Variants in LRP1 observed in about 807,000 individuals in gnomAD.
LRP1 encodes prolow-density lipoprotein receptor-related protein 1.
In LRP1, 51 loss-of-function variants were observed where a neutral mutation model predicts 541.5. The observed-to-expected ratio is 0.09, with a 90% CI of 0.08 to 0.12. The LOEUF is 0.12. LRP1 is among the 10% of genes least tolerant of loss of function. The pLI is 1.00. For synonymous variants in LRP1, 2,219 were observed against 2,470.8 expected (o/e 0.90, Z 3.02); for missense variants, 3,878 against 6,376.2 (o/e 0.61, Z 13.34).
In LRP1 at chr12:57,211,139, T is replaced by C; in HGVS notation, c.12917-37T>C. The C allele has an allele frequency of 6.2e-7, 1 of 1,604,478 alleles. No individual in the cohort carries two copies. Among genetic ancestry groups the C allele is most frequent in the Non-Finnish European group, 8.5e-7 (1 of 1,172,838 alleles). On this transcript the variant is annotated intron_variant, in intron 83 of 88. Transcript: ENST00000243077. This position sits in a 1 kb window ranked among gnomAD's most constrained non-coding sequence, Gnocchi z 4.3. ...AACCTATGGAGAGCCCTCATGAGGG[T>C]GGGGCTTGAGGCACTTCTCTCCCTC...
At position 57,210,457 on chromosome 12, in the gene LRP1, G is replaced by A; in HGVS notation, c.12731G>A (p.Gly4244Asp). 6.5e-7 allele frequency: 1 copy of A among 1,538,814 alleles called. No individual in the cohort carries two copies. Among genetic ancestry groups the A allele is most frequent in the Non-Finnish European group, 8.8e-7 (1 of 1,139,278 alleles). ...TGCTGGGAGCACTGTCGCAATGGGG[G>A]CACCTGTGCTGCCTCCCCCTCTGGT... ...DQCWEHCRNG[G>D]TCAASPSGMP... Residue 4244 changes from glycine to aspartate, a missense_variant, in exon 82 of 89, where the codon GGC becomes GAC. Around this residue, in one of 13 missense-constraint regions of LRP1, gnomAD observed 871 missense variants for 1,212.4 expected, o/e 0.72. Transcript: ENST00000243077.
At chr12:57,147,213 C>T (rs1164814343) in intron 6 of LRP1, among the ~76,000 whole-genome samples, 1 of 151,012 alleles carries the variant, frequency 6.6e-6, no homozygotes, top group Admixed American at 6.6e-5. Flanking sequence ...GCTTCTGTCC[C>T]TTCCTCCCTG....
chr12:57,208,926 G>A (rs2036847901), intron 78 of LRP1, 109 bp downstream of exon 78: 2 of 1,124,120 alleles, frequency 1.8e-6, no homozygotes, highest in Non-Finnish European at 2.7e-6. Flanking sequence ...GGCTTGGACT[G>A]GGGCAGGGCA....
At chr12:57,148,439 G>A (rs143895521) in intron 6 of LRP1, among the ~76,000 whole-genome samples, 266 of 152,140 alleles carry the variant, frequency 1.7e-3, no homozygotes, top group African/African-American at 6.0e-3. Flanking sequence ...CCAGGCCTGC[G>A]CACTCTCACC....
rs149589109 is a variant in LRP1 at position 57,199,470 on chromosome 12, A to C, written c.9865+70A>C. On this transcript the variant is annotated intron_variant, in intron 61 of 88. Coordinates refer to ENST00000243077, the MANE Select transcript of LRP1 (RefSeq NM_002332.3). Reference sequence around the variant, plus strand: ...CCGGGGTCCCTGGGAGTTCCTGCTCATCCCTTCTCTAGCATTGACCAAGCC... The same window carrying C: ...CCGGGGTCCCTGGGAGTTCCTGCTCCTCCCTTCTCTAGCATTGACCAAGCC... The C allele has an allele frequency of 1.8e-4, 266 of 1,511,506 alleles. 1 individual carries two copies. Among genetic ancestry groups the C allele is most frequent in the Non-Finnish European group, 2.3e-4 (253 of 1,108,008 alleles). The allele number at this position is 1,511,506 out of a possible 1,614,324, so 93.6% of individuals were successfully genotyped here. A position where few individuals can be genotyped will look rare whatever the true frequency, so the allele number is the denominator to read the frequency against.
At position 57,136,408 on chromosome 12, in the gene LRP1, G is replaced by A. The variant is rs370145722; in HGVS notation, c.68-2051G>A. On this transcript the variant is annotated intron_variant, in intron 1 of 88. Transcript: ENST00000243077. ...TCCCTCCTAAGAGCCCCCCCCCCCC[G>A]CCATTTTCCTTATACTTCTGTCTCT... 1.7e-3 allele frequency among the ~76,000 whole-genome samples: 77 copies of A among 45,790 alleles called. 1 individual carries two copies. The highest frequency in any genetic ancestry group is 6.5e-3 in the African/African-American group (76 of 11,744). 30.0% of individuals were successfully genotyped at this position (45,790 alleles called of 152,430 possible). A position where few individuals can be genotyped will look rare whatever the true frequency, so the allele number is the denominator to read the frequency against.
In LRP1 at chr12:57,183,238, T is replaced by G; in HGVS notation, c.5663-141T>G. On this transcript the variant is annotated intron_variant, in intron 34 of 88. Transcript: ENST00000243077. This position sits in a 1 kb window ranked among gnomAD's most constrained non-coding sequence, Gnocchi z 6.1. ...CCCATGCTCTGGCCTCAGGCTAGGG[T>G]GTGTGTGCTGGGTGGAGGATAGGGA... The G allele has an allele frequency of 6.6e-6, 6 of 915,658 alleles. No homozygotes were observed. Among genetic ancestry groups the G allele is most frequent in the South Asian group, 3.5e-5 (2 of 56,854 alleles). 56.7% of individuals were successfully genotyped at this position (915,658 alleles called of 1,614,324 possible). A position where few individuals can be genotyped will look rare whatever the true frequency, so the allele number is the denominator to read the frequency against.
intron 2 of LRP1, among the ~76,000 whole-genome samples, chr12:57,139,333 C>T (rs2035239571): frequency 6.6e-6 from 1 of 152,124 alleles, no homozygotes; most frequent in Admixed American, 6.5e-5. Context: ...ACACCCCCAC[C>T]CGTAATTATC....
In LRP1 at chr12:57,197,479, C is replaced by T. The variant is rs2036561108; in HGVS notation, c.9163-66C>T. 2.5e-6 allele frequency: 4 copies of T among 1,613,204 alleles called. No individual in the cohort carries two copies. Among genetic ancestry groups the T allele is most frequent in the Non-Finnish European group, 3.4e-6 (4 of 1,179,372 alleles). On this transcript the variant is annotated intron_variant, in intron 57 of 88. Transcript: ENST00000243077. The surrounding 1 kb of genome is among the most constrained non-coding windows in gnomAD (Gnocchi z 4.5). ...CCCGCTTAGGTCCAACCATCCCTCCCCCAGATGCAAATGTGGCCCCTGTTG... is the reference window on the plus strand; with the variant it reads ...CCCGCTTAGGTCCAACCATCCCTCCTCCAGATGCAAATGTGGCCCCTGTTG...
At chr12:57,163,871 G>T (rs545703921) in intron 15 of LRP1, among the ~76,000 whole-genome samples, 120 of 152,150 alleles carry the variant, frequency 7.9e-4, no homozygotes, top group African/African-American at 2.7e-3. Flanking sequence ...TGTGTTCATT[G>T]TAAAACGGAG....
chr12:57,134,784 A>C (rs1348928856), intron 1 of LRP1, among the ~76,000 whole-genome samples: 12 of 151,862 alleles, frequency 7.9e-5, no homozygotes, highest in Admixed American at 7.9e-4. Context: ...AGTTCACTGC[A>C]AGCTCCGCCT....
chr12:57,169,126 T>TC lies in LRP1; in HGVS notation c.2996-9dup. ...ACTCCCGCTTTGCCTCTCCCCTTCT[T>TC]CCCCCACCGCCAGACAATGACTGTG... is the stretch of plus-strand genomic sequence containing the variant. On this transcript the variant is annotated splice_polypyrimidine_tract_variant and intron_variant, in intron 19 of 88. Transcript: ENST00000243077. 6.3e-7 allele frequency: 1 copy of TC among 1,591,512 alleles called. No homozygotes were observed. Among genetic ancestry groups the TC allele is most frequent in the Non-Finnish European group, 8.6e-7 (1 of 1,162,126 alleles).
At position 57,212,579 on chromosome 12, in the gene LRP1, C is replaced by T. The variant is rs1418280116; in HGVS notation, c.*24C>T. Reference sequence around the variant, plus strand: ...AGGGCCCTGCCCCGTCGGACTGCCCCCAGAAAGCCTCCTGCCCCCTGCCAG... The same window carrying T: ...AGGGCCCTGCCCCGTCGGACTGCCCTCAGAAAGCCTCCTGCCCCCTGCCAG... On this transcript the variant is annotated 3_prime_UTR_variant, in exon 89 of 89. Coordinates refer to ENST00000243077, the MANE Select transcript of LRP1 (RefSeq NM_002332.3). The surrounding 1 kb of genome is among the most constrained non-coding windows in gnomAD (Gnocchi z 5.0). The T allele has an allele frequency of 6.4e-7, 1 of 1,554,444 alleles. No individual in the cohort carries two copies. The highest frequency in any genetic ancestry group is 1.2e-5 in the South Asian group (1 of 80,648).
At chr12:57,182,064 T>A (rs1003599407) in intron 34 of LRP1, among the ~76,000 whole-genome samples, 1 of 152,200 alleles carries the variant, frequency 6.6e-6, no homozygotes, top group Admixed American at 6.5e-5. Flanking sequence ...TTCAAGCGTT[T>A]GGGGTTTTCC....
At chr12:57,140,897 T>C (rs1239174397) in intron 2 of LRP1, among the ~76,000 whole-genome samples, 1 of 152,116 alleles carries the variant, frequency 6.6e-6, no homozygotes, top group Non-Finnish European at 1.5e-5. Flanking sequence ...CATGCCTGGC[T>C]AATTTTTTGC....
At chr12:57,160,081 A>G in intron 12 of LRP1, 76 bp downstream of exon 12, 1 of 1,470,900 alleles carries the variant, frequency 6.8e-7, no homozygotes, top group Non-Finnish European at 9.4e-7. Flanking sequence ...TGAAATGGAC[A>G]GGGAAGCAGG....
chr12:57,157,325 G>C (rs2035641175), intron 10 of LRP1, among the ~76,000 whole-genome samples: 1 of 152,158 alleles, frequency 6.6e-6, no homozygotes, highest in Non-Finnish European at 1.5e-5. Flanking sequence ...ATAAAACAGA[G>C]AATAGTCAGG....
rs769091612 is a variant in LRP1 at position 57,169,150 on chromosome 12, T to C, written c.3006T>C (p.Cys1002=). 6.2e-7 allele frequency: 1 copy of C among 1,608,112 alleles called. No individual in the cohort carries two copies. The highest frequency in any genetic ancestry group is 1.7e-5 in the Admixed American group (1 of 59,924). ...TTCCCCCACCGCCAGACAATGACTG[T>C]GGGGACAACAGTGACGAAGCCGGCT... ...INWRCDNDND[C]GDNSDEAGCS... is the part of the protein sequence containing the mutation. The change falls in exon 20 of 89, where the codon TGT becomes TGC. Residue 1002 remains cysteine (C), a synonymous_variant. Transcript: ENST00000243077.
chr12:57,210,070 C>T lies in LRP1; in HGVS notation c.12481C>T (p.Leu4161=). 6.2e-7 allele frequency: 1 copy of T among 1,613,366 alleles called. No homozygotes were observed. Among genetic ancestry groups the T allele is most frequent in the Non-Finnish European group, 8.5e-7 (1 of 1,179,636 alleles). The change falls in exon 81 of 89, where the codon CTG becomes TTG. Residue 4161 remains leucine (L), a synonymous_variant. Coordinates refer to ENST00000243077, the MANE Select transcript of LRP1 (RefSeq NM_002332.3). ...CDRKKCEWLC[L]LSPSGPVCTC... ...CCGCAAGAAATGCGAGTGGCTCTGC[C>T]TGCTGAGCCCCAGTGGGCCTGTCTG...
Sources: gnomAD v4.1 joint callset for allele counts (sites outside exome capture counted in the v4.1 genomes callset) on GRCh38, gnomAD v4.1.1 for gene constraint, gnomAD v4.1.1 regional missense constraint, Gnocchi (gnomAD v3.1) non-coding constraint, MANE v1.5 for transcripts, NCBI Gene and HGNC (gene_info 2026-07-23, HGNC 2026-07-21) for gene names.